REG4: variants seen among roughly 807,000 people sequenced by gnomAD.
REG4 encodes the protein regenerating islet-derived protein 4.
In REG4, 16 loss-of-function variants were observed where a neutral mutation model predicts 22.3. The ratio of observed to expected loss-of-function variants is 0.72; its 90% confidence interval spans 0.49 to 1.09. REG4 has a LOEUF of 1.09. Ranked by LOEUF, REG4 falls within the 50% of genes least tolerant of loss-of-function variation. The pLI, the probability that REG4 is intolerant of heterozygous loss-of-function variation, is 0.00. For missense variants in REG4, 214 were observed against 193.9 expected, an observed-to-expected ratio of 1.10 and a Z score of -0.61; for synonymous variants, 71 against 69.2, an observed-to-expected ratio of 1.03 and a Z score of -0.13.
At chr1:119,802,609 G>C in intron 3 of REG4, 1 of 1,306,534 alleles carries the variant, frequency 7.7e-7, no homozygotes, top group Non-Finnish European at 9.7e-7. Context: ...GTGTAGAGCA[G>C]CGGAAAAGTT....
In REG4 at chr1:119,803,057, A is replaced by T; in HGVS notation, c.165+11T>A. 6.2e-7 allele frequency: 1 copy of T among 1,608,958 alleles called. No homozygotes were observed. Among genetic ancestry groups the T allele is most frequent in the Non-Finnish European group, 8.5e-7 (1 of 1,177,896 alleles). On this transcript the variant is annotated intron_variant, in intron 3 of 5. Transcript: ENST00000256585. ...AGAAAGGCCAGGCCAAGCAGGCAGCAAGTTTCTTACCTCGGCATCAGACCA... is the reference window on the plus strand; with the variant it reads ...AGAAAGGCCAGGCCAAGCAGGCAGCTAGTTTCTTACCTCGGCATCAGACCA...
chr1:119,809,499 G>T (rs1654432005), intron 1 of REG4, among the ~76,000 whole-genome samples: 1 of 152,124 alleles, frequency 6.6e-6, no homozygotes, highest in Admixed American at 6.5e-5. Flanking sequence ...AAAATAAGAA[G>T]TAAATCCCAT....
chr1:119,802,691 C>G, intron 3 of REG4: 2 of 1,422,688 alleles, frequency 1.4e-6, no homozygotes, highest in South Asian at 1.6e-5. Flanking sequence ...TGTCTACACA[C>G]CACTCTCTTT....
chr1:119,803,113 A>G lies in REG4; in HGVS notation c.120T>C (p.Asn40=), dbSNP rs1654171768. 3 of 1,551,744 alleles carry G rather than the reference A, an allele frequency of 1.9e-6. No individual in the cohort carries two copies. Among genetic ancestry groups the G allele is most frequent in the African/African-American group, 1.4e-5 (1 of 72,690 alleles). The change falls in exon 3 of 6, where the codon AAT becomes AAC. Residue 40 remains asparagine, a synonymous_variant. Transcript: ENST00000256585. ...TCAGCTTCCTGAAGTAACCATAGCA[A>G]TTGGACTTGTGGTAAAACCATCCAG... ...CAPGWFYHKS[N]CYGYFRKLRN...
rs1176422650 is a variant in REG4, at chr1:119,794,211, AG to A, written c.*406del. Reference sequence around the variant, plus strand: ...GAGTTGAGTGGCTGGGGTGGGGTGCAGGCAATGGAGAGAGGGCAGAAGGGTG... The same window carrying A: ...GAGTTGAGTGGCTGGGGTGGGGTGCAGCAATGGAGAGAGGGCAGAAGGGTG... On this transcript the variant is annotated 3_prime_UTR_variant, in exon 6 of 6. Transcript: ENST00000256585. 2 of 537,844 alleles carry A rather than the reference AG, an allele frequency of 3.7e-6. No homozygotes were observed. The highest frequency in any genetic ancestry group is 7.6e-6 in the Non-Finnish European group (2 of 263,154). The allele number at this position is 537,844 out of a possible 1,614,324, so 33.3% of individuals were successfully genotyped here. A position where few individuals can be genotyped will look rare whatever the true frequency, so the allele number is the denominator to read the frequency against.
chr1:119,803,353 T>A (rs1207757325), intron 2 of REG4, among the ~76,000 whole-genome samples, 188 bp from the exon 3 acceptor site: 1 of 152,204 alleles, frequency 6.6e-6, no homozygotes, highest in Non-Finnish European at 1.5e-5. Context: ...TATGGCCTTT[T>A]ACCAGTGTGA....
intron 2 of REG4, among the ~76,000 whole-genome samples, 197 bp downstream of exon 2, chr1:119,808,506 T>C (rs1230487977): frequency 6.6e-6 from 1 of 152,242 alleles, no homozygotes. Context: ...GTATGGGTTA[T>C]AATCATATGG....
At position 119,794,378 on chromosome 1, in the gene REG4, G is replaced by C. The variant is rs1354450644; in HGVS notation, c.*240C>G. ...GACTGCTCGAGACAGCCAGAGACAGGGGAGGAGGGAAGAAGGATACTGTGG... is the reference window on the plus strand; with the variant it reads ...GACTGCTCGAGACAGCCAGAGACAGCGGAGGAGGGAAGAAGGATACTGTGG... On this transcript the variant is annotated 3_prime_UTR_variant, in exon 6 of 6. Transcript: ENST00000256585. The C allele has an allele frequency of 1.6e-6, 1 of 610,830 alleles. No homozygotes were observed. The highest frequency in any genetic ancestry group is 2.9e-5 in the East Asian group (1 of 34,584). 37.8% of individuals were successfully genotyped at this position (610,830 alleles called of 1,614,324 possible).
intron 2 of REG4, among the ~76,000 whole-genome samples, chr1:119,806,310 A>C (rs1654316580): frequency 1.3e-5 from 2 of 152,160 alleles, no homozygotes; most frequent in African/African-American, 4.8e-5. Flanking sequence ...CATATATTCT[A>C]ATCATCTTCA....
chr1:119,807,618 C>CG (rs1048788801), intron 2 of REG4, among the ~76,000 whole-genome samples: 5 of 152,176 alleles, frequency 3.3e-5, no homozygotes, highest in African/African-American at 1.2e-4. Context: ...GAGCAGCCCC[C>CG]CAGAGCCTTG....
At chr1:119,804,748 C>CA (rs1324636636) in intron 2 of REG4, among the ~76,000 whole-genome samples, 1 of 152,140 alleles carries the variant, frequency 6.6e-6, no homozygotes, top group East Asian at 1.9e-4. Flanking sequence ...CCTGTCTTTG[C>CA]ACTCTGTCTA....
At chr1:119,797,314 T>C (rs977531545) in intron 5 of REG4, among the ~76,000 whole-genome samples, 2 of 152,242 alleles carry the variant, frequency 1.3e-5, no homozygotes, top group Admixed American at 6.5e-5. Context: ...GCAGCTGTGC[T>C]CTCACTGGTC....
At chr1:119,802,671 G>A in intron 3 of REG4, 1 of 1,390,910 alleles carries the variant, frequency 7.2e-7, no homozygotes. Flanking sequence ...CAAGGTGTCT[G>A]CTCCAGGCAT....
Position 119,794,478 on chromosome 1 carries a change from TA to T in REG4, c.*139del, listed in dbSNP as rs1200969804. The T allele has an allele frequency of 3.3e-5, 26 of 784,418 alleles. No homozygotes were observed. Among genetic ancestry groups the T allele is most frequent in the Middle Eastern group, 4.7e-4 (2 of 4,236 alleles). The allele number at this position is 784,418 out of a possible 1,614,324, so 48.6% of individuals were successfully genotyped here. A position where few individuals can be genotyped will look rare whatever the true frequency, so the allele number is the denominator to read the frequency against. On this transcript the variant is annotated 3_prime_UTR_variant, in exon 6 of 6. Transcript: ENST00000256585. ...ATGCTAAAGTTTCTGTCTCTAAGCC[TA>T]AAAAAGCCAGTGTAGTAGGGCCCTT...
At chr1:119,809,391 A>G (rs1052047464) in intron 1 of REG4, among the ~76,000 whole-genome samples, 2 of 152,314 alleles carry the variant, frequency 1.3e-5, no homozygotes, top group African/African-American at 4.8e-5. Flanking sequence ...TTTCCTTTAC[A>G]CTTAGTTGAC....
intron 2 of REG4, among the ~76,000 whole-genome samples, chr1:119,804,549 T>C (rs1654232169): frequency 6.6e-6 from 1 of 152,240 alleles, no homozygotes; most frequent in Non-Finnish European, 1.5e-5. Flanking sequence ...GTATGTCAAA[T>C]ATACTACAAA....
rs765062654 is a variant in REG4, at chr1:119,803,125, G to A, written c.108C>T (p.Tyr36=). 43 of 1,536,630 alleles carry A rather than the reference G, an allele frequency of 2.8e-5. 1 individual carries two copies. In the South Asian group the frequency reaches 3.4e-4, roughly 12 times the overall value. ...AGTAACCATAGCAATTGGACTTGTG[G>A]TAAAACCATCCAGGAGCACAGCTGG... The part of the protein sequence containing the change: ...MRPSCAPGWF[Y]HKSNCYGYFR... Residue 36 remains tyrosine (Y), a synonymous_variant, in exon 3 of 6, where the codon TAC becomes TAT. Transcript: ENST00000256585.
At chr1:119,809,021 G>C (rs1354222104) in intron 1 of REG4, 158 bp from the exon 2 acceptor site, 1 of 411,846 alleles carries the variant, frequency 2.4e-6, no homozygotes, top group Non-Finnish European at 4.3e-6. Flanking sequence ...AAGAGATTTT[G>C]TTCTTACCTG....
At chr1:119,805,712 CCTGT>C (rs1654288234) in intron 2 of REG4, among the ~76,000 whole-genome samples, 2 of 151,978 alleles carry the variant, frequency 1.3e-5, no homozygotes, top group East Asian at 1.9e-4. Context: ...CCGTTCTCTC[CCTGT>C]CTTTGTACTC....
Sources: allele counts gnomAD v4.1 joint callset (sites outside exome capture counted in the v4.1 genomes callset), GRCh38; gene constraint gnomAD v4.1.1; transcripts MANE v1.5; gene names NCBI Gene and HGNC (gene_info 2026-07-23, HGNC 2026-07-21).